Variants in UBR1 observed in about 807,000 individuals in gnomAD.
UBR1 encodes the protein E3 ubiquitin-protein ligase UBR1.
A neutral mutation model predicts 242.1 loss-of-function variants in UBR1; 102 were observed. That is an observed-to-expected ratio of 0.42 (90% CI 0.36 to 0.50). UBR1 has a LOEUF of 0.50. Among genes scored for constraint, UBR1 ranks in the 20% least tolerant of loss-of-function variants. The pLI, the probability that UBR1 is intolerant of heterozygous loss-of-function variation, is 0.01. For synonymous variants in UBR1, 675 were observed against 684.8 expected, an observed-to-expected ratio of 0.99 and a Z score of 0.22; for missense variants, 1,772 against 2,101.8, an observed-to-expected ratio of 0.84 and a Z score of 3.07.
At position 43,015,876 on chromosome 15, in the gene UBR1, A is replaced by G. The variant is rs1158418906; in HGVS notation, c.3028-7T>C. 2.5e-6 allele frequency: 4 copies of G among 1,613,398 alleles called. No homozygotes were observed. The highest frequency in any genetic ancestry group is 3.3e-5 in the Admixed American group (2 of 59,986). On this transcript the variant is annotated splice_polypyrimidine_tract_variant and splice_region_variant and intron_variant, in intron 28 of 46. Coordinates refer to ENST00000290650, the MANE Select transcript of UBR1 (RefSeq NM_174916.3). ...TTTCTTTATCATGAGTAATCTGGGT[A>G]TTAAGAAATGACAAATTTAGGTAAG...
chr15:42,952,278 T>G lies in UBR1; in HGVS notation c.5006A>C (p.Lys1669Thr). 6.2e-7 allele frequency: 1 copy of G among 1,614,154 alleles called. No homozygotes were observed. The highest frequency in any genetic ancestry group is 8.5e-7 in the Non-Finnish European group (1 of 1,180,030). Residue 1669 changes from lysine to threonine, a missense_variant and splice_region_variant, in exon 45 of 47, where the codon AAA (lysine) becomes ACA (threonine). Transcript: ENST00000290650. ...HCGAGVCIFL[K>T]IRECRVVLVE... ...AGCTTCCAGAACACTCACTACTCAC[T>G]TTAGGAAAATGCAGACTCCGGCTCC...
chr15:42,963,764 C>T (rs963590794), intron 42 of UBR1, among the ~76,000 whole-genome samples, 171 bp downstream of exon 42: 2 of 149,312 alleles, frequency 1.3e-5, no homozygotes, highest in African/African-American at 4.9e-5. Flanking sequence ...TTCCAACTGC[C>T]TATGGCTGTT....
intron 35 of UBR1, 77 bp downstream of exon 35, chr15:42,988,741 GA>G: frequency 6.3e-7 from 1 of 1,580,914 alleles, no homozygotes. Context: ...GGCCATCAGT[GA>G]AAAAAAGAAT....
At chr15:43,079,975 G>A (rs532794924) in intron 3 of UBR1, among the ~76,000 whole-genome samples, 53 of 152,278 alleles carry the variant, frequency 3.5e-4, no homozygotes, top group Admixed American at 2.5e-3. Context: ...ATAAAGGTCT[G>A]ATTTTGAACA....
intron 14 of UBR1, among the ~76,000 whole-genome samples, chr15:43,045,471 AACAC>A (rs1199013873): frequency 6.6e-6 from 1 of 151,768 alleles, no homozygotes; most frequent in Non-Finnish European, 1.5e-5. Flanking sequence ...TGTCTCTAAA[AACAC>A]ACACACACAC....
At chr15:43,070,248 TAAAAAAA>T (rs746635905) in intron 5 of UBR1, among the ~76,000 whole-genome samples, 2 of 25,234 alleles carry the variant, frequency 7.9e-5, no homozygotes, top group African/African-American at 1.5e-4. Context: ...GAGTTCTAGC[TAAAAAAA>T]AAAAAAAAAA....
At chr15:43,063,435 AATAAT>A (rs555783381) in intron 6 of UBR1, among the ~76,000 whole-genome samples, 43 of 152,246 alleles carry the variant, frequency 2.8e-4, no homozygotes, top group African/African-American at 9.9e-4. Flanking sequence ...ATCCTACCAC[AATAAT>A]ATATCTTGAT....
At chr15:43,038,455 A>C (rs980623140) in intron 15 of UBR1, among the ~76,000 whole-genome samples, 15 of 152,042 alleles carry the variant, frequency 9.9e-5, no homozygotes, top group African/African-American at 3.6e-4. Context: ...CAATAATATA[A>C]AAATTAGCCG....
chr15:43,034,066 C>T (rs907131545), intron 19 of UBR1, among the ~76,000 whole-genome samples: 4 of 151,972 alleles, frequency 2.6e-5, no homozygotes, highest in East Asian at 3.9e-4. Context: ...GGTGAAACCC[C>T]GTCTCTACTA....
At chr15:43,007,790 T>A (rs2032856507) in intron 29 of UBR1, among the ~76,000 whole-genome samples, 1 of 152,222 alleles carries the variant, frequency 6.6e-6, no homozygotes. Context: ...GTATCTTACA[T>A]CATTAAAACT....
chr15:42,968,656 T>C (rs2032151957), intron 40 of UBR1, among the ~76,000 whole-genome samples: 3 of 152,152 alleles, frequency 2.0e-5, no homozygotes, highest in Admixed American at 6.5e-5. Flanking sequence ...TTTTTCCTAA[T>C]GCTATCCCTC....
chr15:42,995,005 T>C (rs1203451621), intron 33 of UBR1, among the ~76,000 whole-genome samples: 2 of 152,232 alleles, frequency 1.3e-5, no homozygotes, highest in African/African-American at 2.4e-5. Context: ...TTAGCTTATG[T>C]TCAGTATTTT....
intron 1 of UBR1, among the ~76,000 whole-genome samples, chr15:43,103,993 A>G (rs1390942778): frequency 6.6e-6 from 1 of 152,220 alleles, no homozygotes; most frequent in East Asian, 1.9e-4. Context: ...TCCAAGCCAA[A>G]AAAGGGGTTA....
chr15:43,043,227 TAG>T lies in UBR1; in HGVS notation c.1835_1836del (p.Ser612Ter). On this transcript the variant is annotated frameshift_variant, in exon 15 of 47. Coordinates refer to ENST00000290650, the MANE Select transcript of UBR1 (RefSeq NM_174916.3). LOFTEE classifies it high-confidence loss of function. ...EDLVSIHLPL[S>X]RTLAGLHVRL... ...AACAAACACTCACCAGCAAGGGTCCTAGAGAGTGGCAGATGTATGCTTACAAG... is the reference window on the plus strand; with the variant it reads ...AACAAACACTCACCAGCAAGGGTCCTAGAGTGGCAGATGTATGCTTACAAG... The T allele has an allele frequency of 6.2e-7, 1 of 1,614,126 alleles. No individual in the cohort carries two copies. Among genetic ancestry groups the T allele is most frequent in the Non-Finnish European group, 8.5e-7 (1 of 1,180,026 alleles).
intron 15 of UBR1, among the ~76,000 whole-genome samples, chr15:43,042,739 T>C (rs1416423545): frequency 2.6e-5 from 4 of 152,082 alleles, no homozygotes; most frequent in African/African-American, 9.7e-5. Context: ...TCATTGAAAA[T>C]AGAAATATAT....
At chr15:42,957,646 A>G (rs551412696) in intron 44 of UBR1, among the ~76,000 whole-genome samples, 1 of 152,308 alleles carries the variant, frequency 6.6e-6, no homozygotes, top group East Asian at 1.9e-4. Flanking sequence ...GCCAATGGGT[A>G]GGAGGATCAC....
intron 4 of UBR1, among the ~76,000 whole-genome samples, chr15:43,071,204 G>C (rs1318142563): frequency 6.6e-6 from 1 of 152,158 alleles, no homozygotes; most frequent in Non-Finnish European, 1.5e-5. Flanking sequence ...CTGCCTTTCT[G>C]AGTAGCTAAT....
chr15:43,032,744 C>CAGTCT, intron 19 of UBR1, 113 bp from the exon 20 acceptor site: 2 of 671,058 alleles, frequency 3.0e-6, no homozygotes, highest in Non-Finnish European at 5.1e-6. Flanking sequence ...TCATCCAGTC[C>CAGTCT]AGTATTTTTT....
At chr15:43,086,967 G>A (rs1266320100) in intron 1 of UBR1, among the ~76,000 whole-genome samples, 54 of 152,226 alleles carry the variant, frequency 3.5e-4, no homozygotes, top group Admixed American at 3.4e-3. Flanking sequence ...CTGTGAATAG[G>A]CACCGCACTT....
Sources: gnomAD v4.1 joint callset for allele counts (sites outside exome capture counted in the v4.1 genomes callset) on GRCh38, gnomAD v4.1.1 for gene constraint, MANE v1.5 for transcripts, NCBI Gene and HGNC (gene_info 2026-07-23, HGNC 2026-07-21) for gene names.